EXOC8: variants seen among roughly 807,000 people sequenced by gnomAD.
The protein encoded by EXOC8 is exocyst complex component 8.
A neutral mutation model predicts 50.8 loss-of-function variants in EXOC8; 19 were observed. The ratio of observed to expected loss-of-function variants is 0.37; its 90% CI spans 0.26 to 0.55. EXOC8 has a LOEUF of 0.55. EXOC8 is among the 20% of genes least tolerant of loss of function. The pLI, the probability that EXOC8 is intolerant of heterozygous loss-of-function variation, is 0.80. For missense variants in EXOC8, 781 were observed against 915.8 expected (o/e 0.85, Z 1.90); for synonymous variants, 384 against 367.9 (o/e 1.04, Z -0.50).
chr1:231,337,376 C>G lies in EXOC8; in HGVS notation c.370G>C (p.Val124Leu). The G allele has an allele frequency of 6.2e-7, 1 of 1,603,224 alleles. No homozygotes were observed. Among genetic ancestry groups the G allele is most frequent in the South Asian group, 1.1e-5 (1 of 91,014 alleles). The change falls in exon 1 of 1, where the codon GTC becomes CTC. Residue 124 changes from valine to leucine, a missense_variant. Physicochemically the swap from Val to Leu is conservative, Grantham distance 32 (BLOSUM62 1). Transcript: ENST00000366645. This position sits in a 1 kb window ranked among gnomAD's most constrained non-coding sequence, Gnocchi z 5.9. ...TGGTCTCGGCCCCCCGCCCCACCGACTCCCTCCTCCCCTCCAGAGGCGGCG... is the reference window on the plus strand; with the variant it reads ...TGGTCTCGGCCCCCCGCCCCACCGAGTCCCTCCTCCCCTCCAGAGGCGGCG... The part of the protein sequence containing the change: ...AAAASGGEEG[V>L]GGAGGRDHLR...
In EXOC8 at chr1:231,337,290, A is replaced by T. The variant is rs750229986; in HGVS notation, c.456T>A (p.Gly152=). ...TGCGCTGCTTTCCTTCCTCGCCTGG[A>T]CCGGAGCCGTCGCGGGAGGCACCCC... ...TPGGASRDGS[G]PGEEGKQRTL... is the part of the protein sequence containing the mutation. The change falls in exon 1 of 1, where the codon GGT becomes GGA. Residue 152 remains glycine, a synonymous_variant. Coordinates refer to ENST00000366645, the MANE Select transcript of EXOC8 (RefSeq NM_175876.5). This position sits in a 1 kb window ranked among gnomAD's most constrained non-coding sequence, Gnocchi z 5.9. 6.2e-7 allele frequency: 1 copy of T among 1,605,194 alleles called. No individual in the cohort carries two copies. The highest frequency in any genetic ancestry group is 8.5e-7 in the Non-Finnish European group (1 of 1,179,936).
Position 231,336,134 on chromosome 1 carries a change from C to G in EXOC8, c.1612G>C (p.Asp538His). 1 of 1,614,176 alleles carries G rather than the reference C, an allele frequency of 6.2e-7. No homozygotes were observed. Among genetic ancestry groups the G allele is most frequent in the Non-Finnish European group, 8.5e-7 (1 of 1,180,040 alleles). The change falls in exon 1 of 1, where the codon GAT becomes CAT. Residue 538 changes from aspartate (D) to histidine (H), a missense_variant. Transcript: ENST00000366645. The surrounding 1 kb of genome is among the most constrained non-coding windows in gnomAD (Gnocchi z 5.4). ...HCQQLGDIGL[D>H]LTFIIHALLV... is the part of the protein sequence containing the mutation. Reference sequence around the variant, plus strand: ...AGGGCATGGATGATGAAGGTGAGATCCAGTCCGATATCACCCAGTTGCTGG... The same window carrying G: ...AGGGCATGGATGATGAAGGTGAGATGCAGTCCGATATCACCCAGTTGCTGG...
rs1686685620 is a variant in EXOC8 at position 231,336,764 on chromosome 1, C to T, written c.982G>A (p.Glu328Lys). Residue 328 changes from glutamate (E) to lysine (K), a missense_variant, in exon 1 of 1, where the codon GAG becomes AAG. This residue lies in a region of EXOC8 where 700 missense variants were observed against 804.1 expected (regional missense o/e 0.87). Transcript: ENST00000366645. The surrounding 1 kb of genome is among the most constrained non-coding windows in gnomAD (Gnocchi z 5.4). ...CATTCCATGGAGAGGTCCACCTTCT[C>T]TTCCTCTACCTCAGGAACAGCTGGT... Reference protein sequence around the residue: ...EEPAVPEVEEEKVDLSMEWIQ... With the variant: ...EEPAVPEVEEKKVDLSMEWIQ... 1 of 1,614,200 alleles carries T rather than the reference C, an allele frequency of 6.2e-7. No homozygotes were observed. Among genetic ancestry groups the T allele is most frequent in the Admixed American group, 1.7e-5 (1 of 60,032 alleles).
rs1686704438 is a variant in EXOC8 at position 231,337,337 on chromosome 1, C to T, written c.409G>A (p.Ala137Thr). The change falls in exon 1 of 1, where the codon GCC becomes ACC. Residue 137 changes from alanine to threonine, a missense_variant. Ala to Thr is a moderately conservative substitution (Grantham distance 58). Around this residue, in one of 3 missense-constraint regions of EXOC8, gnomAD observed 700 missense variants for 804.1 expected, o/e 0.87. Coordinates refer to ENST00000366645, the MANE Select transcript of EXOC8 (RefSeq NM_175876.5). The surrounding 1 kb of genome is among the most constrained non-coding windows in gnomAD (Gnocchi z 5.9). Reference sequence around the variant, plus strand: ...CCCCCGGGGGTGGAGAAAAAGCCGGCCTGGCCTCGGAGGTGGTCTCGGCCC... The same window carrying T: ...CCCCCGGGGGTGGAGAAAAAGCCGGTCTGGCCTCGGAGGTGGTCTCGGCCC... ...AGGRDHLRGQ[A>T]GFFSTPGGAS... 2 of 1,602,336 alleles carry T rather than the reference C, an allele frequency of 1.2e-6. No individual in the cohort carries two copies. Among genetic ancestry groups the T allele is most frequent in the Non-Finnish European group, 1.7e-6 (2 of 1,179,890 alleles).
In EXOC8 at chr1:231,335,558, G is replaced by GA. The variant is rs763609727; in HGVS notation, c.*9dup. The GA allele has an allele frequency of 6.3e-6, 10 of 1,591,814 alleles. No individual in the cohort carries two copies. Among genetic ancestry groups the GA allele is most frequent in the Non-Finnish European group, 8.5e-6 (10 of 1,171,262 alleles). On this transcript the variant is annotated 3_prime_UTR_variant, in exon 1 of 1. Transcript: ENST00000366645. ...CTCTGCATATATACACATATAAACA[G>GA]ACCCAAGCATTAGACCACTGATGTT...
In EXOC8 at chr1:231,334,896, T is replaced by TC. The variant is rs1686630435; in HGVS notation, c.*671_*672insG. 1.3e-5 allele frequency: 2 copies of TC among 152,132 alleles called. No homozygotes were observed. The highest frequency in any genetic ancestry group is 4.1e-4 in the South Asian group (2 of 4,830). 9.4% of individuals were successfully genotyped at this position (152,132 alleles called of 1,614,324 possible). A position where few individuals can be genotyped will look rare whatever the true frequency, so the allele number is the denominator to read the frequency against. ...TTTGAGGAGAAATATATGAGGCAGG[T>TC]TGTTTTATACGGCACTGTACCCTTT... On this transcript the variant is annotated 3_prime_UTR_variant, in exon 1 of 1. Coordinates refer to ENST00000366645, the MANE Select transcript of EXOC8 (RefSeq NM_175876.5).
chr1:231,335,598 C>A lies in EXOC8; in HGVS notation c.2148G>T (p.Val716=), dbSNP rs748221731. The change falls in exon 1 of 1, where the codon GTG becomes GTT. Residue 716 remains valine (V), a synonymous_variant. Transcript: ENST00000366645. Reference sequence around the variant, plus strand: ...CCACTGATGTTGTACTTTCAGGATTCACACGAATAAGTCTAGATGCATTCC... The same window carrying A: ...CCACTGATGTTGTACTTTCAGGATTAACACGAATAAGTCTAGATGCATTCC... ...DLRNASRLIR[V]NPESTTSVV 14 of 1,611,896 alleles carry A rather than the reference C, an allele frequency of 8.7e-6. No homozygotes were observed. The highest frequency in any genetic ancestry group is 1.1e-5 in the Non-Finnish European group (13 of 1,178,950).
In EXOC8 at chr1:231,337,676, C is replaced by G. The variant is rs1370657848; in HGVS notation, c.70G>C (p.Ala24Pro). The G allele has an allele frequency of 3.1e-6, 5 of 1,609,700 alleles. No homozygotes were observed. The highest frequency in any genetic ancestry group is 4.2e-6 in the Non-Finnish European group (5 of 1,179,890). Residue 24 changes from alanine to proline, a missense_variant, in exon 1 of 1, where the codon GCG (alanine) becomes CCG (proline). Transcript: ENST00000366645. The surrounding 1 kb of genome is among the most constrained non-coding windows in gnomAD (Gnocchi z 5.9). The part of the protein sequence containing the change: ...RRQLESGGFE[A>P]RLYVKQLSQQ... ...GAGAGCTGCTTCACGTACAGCCGCG[C>G]CTCAAAACCCCCTGACTCCAGCTGC...
At position 231,337,363 on chromosome 1, in the gene EXOC8, C is replaced by A. The variant is rs761431328; in HGVS notation, c.383G>T (p.Gly128Val). The A allele has an allele frequency of 2.9e-5, 46 of 1,602,102 alleles. No individual in the cohort carries two copies. Among genetic ancestry groups the A allele is most frequent in the Non-Finnish European group, 3.8e-5 (45 of 1,179,572 alleles). Residue 128 changes from glycine (G) to valine (V), a missense_variant, in exon 1 of 1, where the codon GGG becomes GTG. By Grantham distance (109) the Gly-to-Val change is moderately radical. Around this residue, in one of 3 missense-constraint regions of EXOC8, gnomAD observed 700 missense variants for 804.1 expected, o/e 0.87. Transcript: ENST00000366645. The surrounding 1 kb of genome is among the most constrained non-coding windows in gnomAD (Gnocchi z 5.9). ...CTGGCCTCGGAGGTGGTCTCGGCCC[C>A]CCGCCCCACCGACTCCCTCCTCCCC... ...SGGEEGVGGA[G>V]GRDHLRGQAG...
At position 231,337,434 on chromosome 1, in the gene EXOC8, C is replaced by A; in HGVS notation, c.312G>T (p.Thr104=). ...CGGCGGCAGCAGCGGCAGGCAGCAACGTAAGCGGGATGCTCTCCAGGCTGC... is the reference window on the plus strand; with the variant it reads ...CGGCGGCAGCAGCGGCAGGCAGCAAAGTAAGCGGGATGCTCTCCAGGCTGC... ...QKSSLESIPL[T]LLPAAAAAGA... is the part of the protein sequence containing the mutation. Residue 104 remains threonine, a synonymous_variant, in exon 1 of 1, where the codon ACG becomes ACT. Transcript: ENST00000366645. This position sits in a 1 kb window ranked among gnomAD's most constrained non-coding sequence, Gnocchi z 5.9. 6.2e-7 allele frequency: 1 copy of A among 1,609,632 alleles called. No individual in the cohort carries two copies. The highest frequency in any genetic ancestry group is 8.5e-7 in the Non-Finnish European group (1 of 1,179,874).
chr1:231,337,365 C>G lies in EXOC8; in HGVS notation c.381G>C (p.Ala127=), dbSNP rs112630019. The G allele has an allele frequency of 3.3e-3, 5,284 of 1,602,166 alleles. 181 individuals are homozygous for G. In the African/African-American group the frequency reaches 0.061, roughly 18 times the overall value. The part of the protein sequence containing the change: ...ASGGEEGVGG[A]GGRDHLRGQA... ...GGCCTCGGAGGTGGTCTCGGCCCCC[C>G]GCCCCACCGACTCCCTCCTCCCCTC... The change falls in exon 1 of 1, where the codon GCG becomes GCC. Residue 127 remains alanine (A), a synonymous_variant. Transcript: ENST00000366645. The surrounding 1 kb of genome is among the most constrained non-coding windows in gnomAD (Gnocchi z 5.9).
In EXOC8 at chr1:231,336,643, T is replaced by C. The variant is rs765305372; in HGVS notation, c.1103A>G (p.Glu368Gly). Residue 368 changes from glutamate (E) to glycine (G), a missense_variant, in exon 1 of 1, where the codon GAA becomes GGA. Physicochemically the swap from Glu to Gly is moderately conservative, Grantham distance 98 (BLOSUM62 -2). Around this residue, in one of 3 missense-constraint regions of EXOC8, gnomAD observed 700 missense variants for 804.1 expected, o/e 0.87. Coordinates refer to ENST00000366645, the MANE Select transcript of EXOC8 (RefSeq NM_175876.5). This position sits in a 1 kb window ranked among gnomAD's most constrained non-coding sequence, Gnocchi z 5.4. ...TACAGGAGGTGGGCTAGGTTTATCTTCCAGGTAATGGTTCAATTTATCCAG... is the reference window on the plus strand; with the variant it reads ...TACAGGAGGTGGGCTAGGTTTATCTCCCAGGTAATGGTTCAATTTATCCAG... ...DLLDKLNHYL[E>G]DKPSPPPVKE... is the part of the protein sequence containing the mutation. The C allele has an allele frequency of 8.1e-6, 13 of 1,614,188 alleles. No individual in the cohort carries two copies. In the Admixed American group the frequency reaches 2.0e-4, roughly 25 times the overall value.
Position 231,337,310 on chromosome 1 carries a change from C to G in EXOC8, c.436G>C (p.Ala146Pro). 1 of 1,603,468 alleles carries G rather than the reference C, an allele frequency of 6.2e-7. No homozygotes were observed. Among genetic ancestry groups the G allele is most frequent in the Non-Finnish European group, 8.5e-7 (1 of 1,179,948 alleles). Reference protein sequence around the residue: ...QAGFFSTPGGASRDGSGPGEE... With the variant: ...QAGFFSTPGGPSRDGSGPGEE... ...CCTGGACCGGAGCCGTCGCGGGAGG[C>G]ACCCCCGGGGGTGGAGAAAAAGCCG... The change falls in exon 1 of 1, where the codon GCC (alanine) becomes CCC (proline). Residue 146 changes from alanine (A) to proline (P), a missense_variant. Ala to Pro is a conservative substitution (Grantham distance 27, BLOSUM62 -1). This residue lies in a region of EXOC8 where 700 missense variants were observed against 804.1 expected (regional missense o/e 0.87). Transcript: ENST00000366645. The surrounding 1 kb of genome is among the most constrained non-coding windows in gnomAD (Gnocchi z 5.9).
Position 231,333,457 on chromosome 1 carries a change from A to T in EXOC8, c.*2111T>A, listed in dbSNP as rs1158432500. On this transcript the variant is annotated 3_prime_UTR_variant, in exon 1 of 1. Coordinates refer to ENST00000366645, the MANE Select transcript of EXOC8 (RefSeq NM_175876.5). ...AGCAACCATTTAAATATCTAACTAT[A>T]CACATTCAAGTTTTTACAACTTCAT... 2.0e-5 allele frequency: 3 copies of T among 152,656 alleles called. No individual in the cohort carries two copies. The highest frequency in any genetic ancestry group is 1.3e-4 in the Admixed American group (2 of 15,288). The allele number at this position is 152,656 out of a possible 1,614,324, so 9.5% of individuals were successfully genotyped here.
rs1490446129 is a variant in EXOC8, at chr1:231,333,638, G to C, written c.*1930C>G. The C allele has an allele frequency of 6.6e-6, 1 of 152,474 alleles. No homozygotes were observed. The highest frequency in any genetic ancestry group is 6.6e-5 in the Admixed American group (1 of 15,254). 9.4% of individuals were successfully genotyped at this position (152,474 alleles called of 1,614,324 possible). A position where few individuals can be genotyped will look rare whatever the true frequency, so the allele number is the denominator to read the frequency against. ...TATCAATTTCCAGTGATCTTAAAAA[G>C]ACAAATTATAACCGCCTTTGCTCAG... is the stretch of plus-strand genomic sequence containing the variant. On this transcript the variant is annotated 3_prime_UTR_variant, in exon 1 of 1. Coordinates refer to ENST00000366645, the MANE Select transcript of EXOC8 (RefSeq NM_175876.5).
chr1:231,334,094 AT>A lies in EXOC8; in HGVS notation c.*1473del. ...TTGGGAAGCTCACATTTCTTTAGTT[AT>A]TTTGTTTTACTAAACAATTTGAAGT... is the stretch of plus-strand genomic sequence containing the variant. On this transcript the variant is annotated 3_prime_UTR_variant, in exon 1 of 1. Coordinates refer to ENST00000366645, the MANE Select transcript of EXOC8 (RefSeq NM_175876.5). The A allele has an allele frequency of 6.6e-6, 1 of 152,346 alleles. No homozygotes were observed. The highest frequency in any genetic ancestry group is 1.5e-5 in the Non-Finnish European group (1 of 68,030). The allele number at this position is 152,346 out of a possible 1,614,324, so 9.4% of individuals were successfully genotyped here.
Position 231,337,679 on chromosome 1 carries a change from CA to C in EXOC8, c.66del (p.Phe22LeufsTer7). 6.2e-7 allele frequency: 1 copy of C among 1,609,884 alleles called. No homozygotes were observed. ...RLRRQLESGG[F>X]EARLYVKQLS... ...AGCTGCTTCACGTACAGCCGCGCCT[CA>C]AAACCCCCTGACTCCAGCTGCCGAC... On this transcript the variant is annotated frameshift_variant, in exon 1 of 1. Transcript: ENST00000366645. LOFTEE classifies it high-confidence loss of function. The surrounding 1 kb of genome is among the most constrained non-coding windows in gnomAD (Gnocchi z 5.9).
Position 231,336,096 on chromosome 1 carries a change from G to C in EXOC8, c.1650C>G (p.Asp550Glu), listed in dbSNP as rs1399717429. 6.2e-7 allele frequency: 1 copy of C among 1,614,216 alleles called. No individual in the cohort carries two copies. Among genetic ancestry groups the C allele is most frequent in the African/African-American group, 1.3e-5 (1 of 75,056 alleles). ...TFIIHALLVK[D>E]IQGALHSYKE... is the part of the protein sequence containing the mutation. ...TGTAACTGTGCAAGGCCCCTTGGAT[G>C]TCTTTCACCAGAAGGGCATGGATGA... The change falls in exon 1 of 1, where the codon GAC becomes GAG. Residue 550 changes from aspartate (D) to glutamate (E), a missense_variant. This residue lies in a region of EXOC8 where 700 missense variants were observed against 804.1 expected (regional missense o/e 0.87). Transcript: ENST00000366645. This position sits in a 1 kb window ranked among gnomAD's most constrained non-coding sequence, Gnocchi z 5.4.
chr1:231,333,936 T>C lies in EXOC8; in HGVS notation c.*1632A>G, dbSNP rs926043241. 18 of 152,202 alleles carry C rather than the reference T, an allele frequency of 1.2e-4. No homozygotes were observed. The highest frequency in any genetic ancestry group is 4.1e-4 in the African/African-American group (17 of 41,448). 9.4% of individuals were successfully genotyped at this position (152,202 alleles called of 1,614,324 possible). A position where few individuals can be genotyped will look rare whatever the true frequency, so the allele number is the denominator to read the frequency against. ...TAAAAGAAATGACCTTTTGAAATCA[T>C]GGGCATCAAATTTGGTGCTTATGGA... On this transcript the variant is annotated 3_prime_UTR_variant, in exon 1 of 1. Coordinates refer to ENST00000366645, the MANE Select transcript of EXOC8 (RefSeq NM_175876.5).
Sources: gnomAD v4.1 joint callset for allele counts on GRCh38, gnomAD v4.1.1 for gene constraint, gnomAD v4.1.1 regional missense constraint, Gnocchi (gnomAD v3.1) non-coding constraint, MANE v1.5 for transcripts, NCBI Gene and HGNC (gene_info 2026-07-23, HGNC 2026-07-21) for gene names.